FAF1: variants seen among roughly 807,000 people sequenced by gnomAD.
FAF1 encodes Fas associated factor 1.
A neutral mutation model predicts 92.5 loss-of-function variants in FAF1; 25 were observed. The ratio of observed to expected loss-of-function variants is 0.27; its 90% CI spans 0.20 to 0.38. FAF1 has a LOEUF of 0.38. FAF1 is among the 10% of genes least tolerant of loss of function. FAF1 has a pLI of 1.00. For synonymous variants in FAF1, 234 were observed against 273.2 expected, an observed-to-expected ratio of 0.86 and a Z score of 1.42; for missense variants, 636 against 793.3, an observed-to-expected ratio of 0.80 and a Z score of 2.38.
At chr1:50,512,707 T>C (rs564994926) in intron 15 of FAF1, among the ~76,000 whole-genome samples, 1 of 152,348 alleles carries the variant, frequency 6.6e-6, no homozygotes, top group African/African-American at 2.4e-5. Flanking sequence ...AGGATTGTCT[T>C]GGCTATAACG....
intron 6 of FAF1, among the ~76,000 whole-genome samples, chr1:50,722,418 G>A (rs1658447219): frequency 6.6e-6 from 1 of 152,140 alleles, no homozygotes; most frequent in Non-Finnish European, 1.5e-5. Flanking sequence ...GGAGGCCGAG[G>A]TGGGTGGATC....
intron 9 of FAF1, among the ~76,000 whole-genome samples, chr1:50,588,404 G>A (rs1240898603): frequency 6.6e-6 from 1 of 152,130 alleles, no homozygotes; most frequent in Non-Finnish European, 1.5e-5. Flanking sequence ...TCATCTTTCC[G>A]AAATTCCTTA....
intron 15 of FAF1, among the ~76,000 whole-genome samples, chr1:50,509,780 G>A (rs540762079): frequency 7.2e-5 from 11 of 152,172 alleles, no homozygotes; most frequent in Non-Finnish European, 4.4e-5. Context: ...AATACAGACA[G>A]CCTTGCTTTG....
At chr1:50,512,737 T>G (rs1029252045) in intron 15 of FAF1, among the ~76,000 whole-genome samples, 1 of 152,226 alleles carries the variant, frequency 6.6e-6, no homozygotes, top group Admixed American at 6.5e-5. Flanking sequence ...TGGTTCCATA[T>G]GATACTTAAA....
intron 7 of FAF1, among the ~76,000 whole-genome samples, chr1:50,681,852 T>TGA (rs1297499320): frequency 6.6e-6 from 1 of 151,524 alleles, no homozygotes; most frequent in Admixed American, 6.6e-5. Context: ...TTCCTCTTTT[T>TGA]GAGACAGGGT....
intron 7 of FAF1, among the ~76,000 whole-genome samples, chr1:50,680,280 A>C (rs546041643): frequency 6.6e-6 from 1 of 152,318 alleles, no homozygotes; most frequent in African/African-American, 2.4e-5. Context: ...ACCTTAAATA[A>C]GGTACATTTT....
At chr1:50,722,578 G>A (rs1658455500) in intron 6 of FAF1, among the ~76,000 whole-genome samples, 1 of 151,254 alleles carries the variant, frequency 6.6e-6, no homozygotes, top group African/African-American at 2.4e-5. Flanking sequence ...GAACCTGGGC[G>A]GCAGAGCTTG....
chr1:50,503,391 T>C (rs534828359), intron 15 of FAF1, among the ~76,000 whole-genome samples: 5 of 152,064 alleles, frequency 3.3e-5, no homozygotes, highest in African/African-American at 9.6e-5. Context: ...GAGGCAAAGG[T>C]AGAATTGCTT....
intron 15 of FAF1, among the ~76,000 whole-genome samples, chr1:50,500,053 T>C (rs2149015229): frequency 6.6e-6 from 1 of 152,326 alleles, no homozygotes; most frequent in South Asian, 2.1e-4. Context: ...GTCATTCTTG[T>C]GGATTAGACA....
At chr1:50,508,698 T>C (rs1383034325) in intron 15 of FAF1, among the ~76,000 whole-genome samples, 1 of 152,150 alleles carries the variant, frequency 6.6e-6, no homozygotes, top group Non-Finnish European at 1.5e-5. Flanking sequence ...CTGAATTGTA[T>C]ACTTTTTGAT....
intron 12 of FAF1, among the ~76,000 whole-genome samples, chr1:50,579,541 T>C (rs1650898065): frequency 6.6e-6 from 1 of 152,134 alleles, no homozygotes; most frequent in Non-Finnish European, 1.5e-5. Context: ...AACATGGCCA[T>C]ACAATGAGAC....
At chr1:50,917,044 C>CA (rs1644923688) in intron 1 of FAF1, among the ~76,000 whole-genome samples, 1 of 152,032 alleles carries the variant, frequency 6.6e-6, no homozygotes, top group African/African-American at 2.4e-5. Context: ...AATCAGCTAT[C>CA]AAAAAAGACA....
chr1:50,572,260 C>T (rs1017042260), intron 12 of FAF1, among the ~76,000 whole-genome samples: 4 of 152,148 alleles, frequency 2.6e-5, no homozygotes, highest in Non-Finnish European at 5.9e-5. Flanking sequence ...TTTAATACTT[C>T]CCTGAAACAT....
intron 18 of FAF1, among the ~76,000 whole-genome samples, chr1:50,444,539 C>T (rs1646206382): frequency 1.3e-5 from 2 of 152,172 alleles, no homozygotes; most frequent in Non-Finnish European, 1.5e-5. Context: ...TAGTCAGAAA[C>T]AACTTTTTAC....
At chr1:50,834,400 C>T (rs1280256084) in intron 2 of FAF1, among the ~76,000 whole-genome samples, 1 of 152,218 alleles carries the variant, frequency 6.6e-6, no homozygotes, top group East Asian at 1.9e-4. Context: ...AAGACCACTA[C>T]CAACATGTCA....
At chr1:50,846,002 T>C (rs1644295841) in intron 2 of FAF1, among the ~76,000 whole-genome samples, 1 of 151,938 alleles carries the variant, frequency 6.6e-6, no homozygotes. Context: ...GGCACGCCTG[T>C]AATCCCAGCT....
chr1:50,493,034 CTTTT>C (rs527436973), intron 15 of FAF1, among the ~76,000 whole-genome samples: 4 of 137,938 alleles, frequency 2.9e-5, no homozygotes, highest in Non-Finnish European at 1.6e-5. Flanking sequence ...GATTAAACTT[CTTTT>C]TTTTTTTTTT....
At chr1:50,468,315 C>CAG (rs1391492913) in intron 18 of FAF1, among the ~76,000 whole-genome samples, 1 of 151,956 alleles carries the variant, frequency 6.6e-6, no homozygotes, top group African/African-American at 2.4e-5. Flanking sequence ...TTTTTTGAGA[C>CAG]AGAGTCTTGC....
At chr1:50,608,238 T>G (rs1282010898) in intron 8 of FAF1, among the ~76,000 whole-genome samples, 2 of 152,186 alleles carry the variant, frequency 1.3e-5, no homozygotes, top group Non-Finnish European at 2.9e-5. Context: ...ATGGTAATGG[T>G]AAACAGACAT....
Sources: gnomAD v4.1 joint callset for allele counts (sites outside exome capture counted in the v4.1 genomes callset) on GRCh38, gnomAD v4.1.1 for gene constraint, MANE v1.5 for transcripts, NCBI Gene and HGNC (gene_info 2026-07-23, HGNC 2026-07-21) for gene names.